The following DLGAP2 variants were observed in gnomAD, a reference collection of about 807,000 sequenced individuals.
DLGAP2 encodes the protein disks large-associated protein 2.
In DLGAP2, 26 loss-of-function variants were observed where a neutral mutation model predicts 100.3. The observed-to-expected ratio is 0.26, with a 90% CI of 0.19 to 0.36. The LOEUF is 0.36. DLGAP2 is among the 10% of genes least tolerant of loss of function. The pLI, the probability that DLGAP2 is intolerant of heterozygous loss-of-function variation, is 1.00. For missense variants in DLGAP2, 1,858 were observed against 1,453.2 expected, an observed-to-expected ratio of 1.28 and a Z score of -4.53; for synonymous variants, 886 against 630.1, an observed-to-expected ratio of 1.41 and a Z score of -6.08.
At chr8:1,579,924 G>T (rs1584950007) in intron 6 of DLGAP2, among the ~76,000 whole-genome samples, 1 of 152,288 alleles carries the variant, frequency 6.6e-6, no homozygotes, top group African/African-American at 2.4e-5. Flanking sequence ...TAAAGTGTGT[G>T]CTGCAGCACA....
intron 2 of DLGAP2, among the ~76,000 whole-genome samples, chr8:1,241,611 T>C (rs1563274799): frequency 6.6e-6 from 1 of 152,220 alleles, no homozygotes; most frequent in Non-Finnish European, 1.5e-5. Context: ...GACTTTTCAC[T>C]CCACACTGGT....
chr8:1,033,878 G>A (rs1303617056), intron 2 of DLGAP2, among the ~76,000 whole-genome samples: 3 of 114,150 alleles, frequency 2.6e-5, no homozygotes, highest in South Asian at 3.4e-4. Flanking sequence ...GCCTCATCCC[G>A]ACCCCGCGTG....
chr8:785,300 C>G (rs1412491877), intron 1 of DLGAP2, among the ~76,000 whole-genome samples: 3 of 147,336 alleles, frequency 2.0e-5, no homozygotes, highest in African/African-American at 2.5e-5. Flanking sequence ...ATGCTTGAGC[C>G]AAAGCTCTGG....
chr8:1,205,118 A>G (rs1466061100), intron 2 of DLGAP2, among the ~76,000 whole-genome samples: 2 of 152,156 alleles, frequency 1.3e-5, no homozygotes, highest in Non-Finnish European at 2.9e-5. Context: ...GCCAGGTGGG[A>G]ATTTCTGCAT....
chr8:1,241,996 G>T (rs560282741), intron 2 of DLGAP2, among the ~76,000 whole-genome samples: 4 of 152,288 alleles, frequency 2.6e-5, no homozygotes, highest in East Asian at 3.9e-4. Context: ...GGTCTCTGAG[G>T]GAACTCCAGG....
At chr8:1,177,789 C>G (rs10109283) in intron 2 of DLGAP2, among the ~76,000 whole-genome samples, 75,196 of 152,026 alleles carry the variant, frequency 0.49, 20,738 homozygotes, top group Admixed American at 0.63. Context: ...TGTGCCCTCA[C>G]AGGGTACAAG....
chr8:779,693 C>G (rs1449088654), intron 1 of DLGAP2, among the ~76,000 whole-genome samples: 1 of 152,024 alleles, frequency 6.6e-6, no homozygotes, highest in Non-Finnish European at 1.5e-5. Context: ...GAACTTTCTT[C>G]TACCACTGTT....
intron 2 of DLGAP2, among the ~76,000 whole-genome samples, chr8:936,176 G>C (rs776091857): frequency 1.7e-4 from 26 of 152,174 alleles, no homozygotes; most frequent in Non-Finnish European, 2.9e-4. Context: ...TCTCTGAAGA[G>C]AGTGAGCCTC....
chr8:1,660,524 A>G (rs1210684197), intron 8 of DLGAP2, among the ~76,000 whole-genome samples: 1 of 152,210 alleles, frequency 6.6e-6, no homozygotes, highest in African/African-American at 2.4e-5. Context: ...CTCTGTACTC[A>G]CATGTAAAAA....
chr8:1,446,568 G>A (rs573691569), intron 3 of DLGAP2, among the ~76,000 whole-genome samples: 1 of 151,962 alleles, frequency 6.6e-6, no homozygotes, highest in East Asian at 1.9e-4. Flanking sequence ...TTGACTTGGC[G>A]ATGCGGGCTC....
intron 2 of DLGAP2, among the ~76,000 whole-genome samples, chr8:1,082,037 C>G (rs10098710): frequency 0.2 from 29,655 of 152,064 alleles, 3,128 homozygotes; most frequent in Non-Finnish European, 0.25. Context: ...GGCAGAGCCC[C>G]CTCTGTGCAG....
At chr8:1,535,727 G>C (rs961258619) in intron 4 of DLGAP2, among the ~76,000 whole-genome samples, 9 of 152,266 alleles carry the variant, frequency 5.9e-5, no homozygotes, top group African/African-American at 1.9e-4. Flanking sequence ...GTTGCAAGAG[G>C]AGGTGAGCTC....
rs980559524 is a variant in DLGAP2, at chr8:1,681,116, G to A, written c.2704+2487G>A. ...TTTGTCAGGGCTTAGCCCATAAAAT[G>A]CCTATAAAATTGTATCCTATTATCA... On this transcript the variant is annotated intron_variant, in intron 12 of 14. Transcript: ENST00000637795. 2.0e-5 allele frequency among the ~76,000 whole-genome samples: 3 copies of A among 152,144 alleles called. No individual in the cohort carries two copies. The South Asian group carries it at 6.2e-4, about 32-fold the overall frequency.
At chr8:928,782 A>C (rs1798875903) in intron 2 of DLGAP2, among the ~76,000 whole-genome samples, 1 of 151,986 alleles carries the variant, frequency 6.6e-6, no homozygotes, top group African/African-American at 2.4e-5. Flanking sequence ...AGAGCCTTCG[A>C]GTTAGAAGGG....
At chr8:844,946 G>T (rs1269650079) in intron 1 of DLGAP2, among the ~76,000 whole-genome samples, 1 of 152,172 alleles carries the variant, frequency 6.6e-6, no homozygotes, top group East Asian at 1.9e-4. Flanking sequence ...GGACTTCTGT[G>T]ACTGACTTCT....
intron 3 of DLGAP2, among the ~76,000 whole-genome samples, chr8:1,337,103 A>G (rs1477842566): frequency 6.6e-6 from 1 of 152,038 alleles, no homozygotes; most frequent in Non-Finnish European, 1.5e-5. Context: ...GGAGGTGAAG[A>G]AGAAATAGAT....
At chr8:1,210,674 G>C (rs1344487435) in intron 2 of DLGAP2, among the ~76,000 whole-genome samples, 1 of 152,124 alleles carries the variant, frequency 6.6e-6, no homozygotes, top group Non-Finnish European at 1.5e-5. Flanking sequence ...TTAGAAGTGA[G>C]TCTGGGGCCA....
intron 3 of DLGAP2, among the ~76,000 whole-genome samples, chr8:1,280,265 C>A (rs766915567): frequency 2.0e-5 from 3 of 152,136 alleles, no homozygotes; most frequent in African/African-American, 7.2e-5. Context: ...GGCTTTGAAC[C>A]ATCTCTGCAC....
Position 976,645 on chromosome 8 carries a change from A to C in DLGAP2, c.73+68679A>C, listed in dbSNP as rs1339709646. On this transcript the variant is annotated intron_variant, in intron 2 of 14. Coordinates refer to ENST00000637795, the MANE Select transcript of DLGAP2 (RefSeq NM_001346810.2). ...AAAAAACAGAAAATAGACTCAGTGC[A>C]AATAGGGCCAACCAATCTTTGACAA... Among the ~76,000 whole-genome samples the C allele has an allele frequency of 3.9e-5, 6 of 152,148 alleles. No individual in the cohort carries two copies. In the East Asian group the frequency reaches 1.2e-3, roughly 29 times the overall value.
Sources: gnomAD v4.1 joint callset for allele counts (sites outside exome capture counted in the v4.1 genomes callset) on GRCh38, gnomAD v4.1.1 for gene constraint, MANE v1.5 for transcripts, NCBI Gene and HGNC (gene_info 2026-07-23, HGNC 2026-07-21) for gene names.